Variants in RBM27 observed in about 807,000 individuals in gnomAD.
RBM27 encodes the protein RNA-binding protein 27.
A neutral mutation model predicts 135.3 loss-of-function variants in RBM27; 22 were observed. The ratio of observed to expected loss-of-function variants is 0.16; its 90% CI spans 0.12 to 0.23. The LOEUF is 0.23. Among genes scored for constraint, RBM27 ranks in the 10% least tolerant of loss-of-function variants. The pLI, the probability that RBM27 is intolerant of heterozygous loss-of-function variation, is 1.00. For missense variants in RBM27, 1,009 were observed against 1,281.0 expected (o/e 0.79, Z 3.24); for synonymous variants, 481 against 442.4 (o/e 1.09, Z -1.10).
At chr5:146,238,520 A>G (rs1163173877) in intron 8 of RBM27, among the ~76,000 whole-genome samples, 1 of 152,188 alleles carries the variant, frequency 6.6e-6, no homozygotes, top group African/African-American at 2.4e-5. Flanking sequence ...AAAACAAAAA[A>G]CAAAATGATT....
At chr5:146,234,863 A>G (rs553717850) in intron 7 of RBM27, among the ~76,000 whole-genome samples, 2 of 150,430 alleles carry the variant, frequency 1.3e-5, no homozygotes, top group East Asian at 4.0e-4. Context: ...GCGAAACCCC[A>G]TCTCTAGAAA....
intron 8 of RBM27, among the ~76,000 whole-genome samples, chr5:146,246,538 G>A (rs539610675): frequency 9.2e-4 from 140 of 152,216 alleles, no homozygotes; most frequent in Middle Eastern, 3.4e-3. Context: ...GTAGCTGGGC[G>A]TGTGGGCATG....
intron 19 of RBM27, among the ~76,000 whole-genome samples, chr5:146,278,684 A>G (rs1759197613): frequency 6.6e-6 from 1 of 151,394 alleles, no homozygotes; most frequent in Non-Finnish European, 1.5e-5. Flanking sequence ...ATAATACTAC[A>G]GTTGAACCAT....
In RBM27 at chr5:146,267,658, A is replaced by G. The variant is rs1335538128; in HGVS notation, c.2341A>G (p.Thr781Ala). 3.5e-5 allele frequency: 55 copies of G among 1,566,378 alleles called. No individual in the cohort carries two copies. The Admixed American group carries it at 3.8e-4, about 11-fold the overall frequency. ...GAGEDCQIFS[T>A]PGHPKMIYSS... ...TTTCTTTATTTTTTAGATATTTTCA[A>G]CTCCAGGCCATCCAAAAATGATTTA... is the stretch of plus-strand genomic sequence containing the variant. The change falls in exon 15 of 21, where the codon ACT (threonine) becomes GCT (alanine). Residue 781 changes from threonine (T) to alanine (A), a missense_variant. By Grantham distance (58) the Thr-to-Ala change is moderately conservative. Transcript: ENST00000265271.
intron 19 of RBM27, among the ~76,000 whole-genome samples, chr5:146,276,946 C>T (rs1156547676): frequency 6.6e-6 from 1 of 152,238 alleles, no homozygotes; most frequent in African/African-American, 2.4e-5. Context: ...GAGCTATGAC[C>T]ATTTACTGTT....
Position 146,285,937 on chromosome 5 carries a change from C to A in RBM27, c.3100-10C>A. On this transcript the variant is annotated splice_polypyrimidine_tract_variant and intron_variant, in intron 20 of 20. Coordinates refer to ENST00000265271, the MANE Select transcript of RBM27 (RefSeq NM_018989.2). ...TGCCACTAAGCAGATTTTAACCTCTCTTTCTTCAGGAAACAGAAACCTCAG... is the reference window on the plus strand; with the variant it reads ...TGCCACTAAGCAGATTTTAACCTCTATTTCTTCAGGAAACAGAAACCTCAG... The A allele has an allele frequency of 6.2e-7, 1 of 1,607,386 alleles. No homozygotes were observed. Among genetic ancestry groups the A allele is most frequent in the Non-Finnish European group, 8.5e-7 (1 of 1,175,008 alleles).
chr5:146,206,549 TAA>T (rs35369287), intron 1 of RBM27, among the ~76,000 whole-genome samples: 64 of 144,848 alleles, frequency 4.4e-4, no homozygotes, highest in Middle Eastern at 3.6e-3. Context: ...TCATTTAGGG[TAA>T]AAAAAAAAAG....
rs750364546 is a variant in RBM27 at position 146,251,820 on chromosome 5, G to A, written c.1389G>A (p.Met463Ile). 1 of 1,614,044 alleles carries A rather than the reference G, an allele frequency of 6.2e-7. No homozygotes were observed. The part of the protein sequence containing the change: ...AARLVPPRNL[M>I]GSSIGYHTSV... ...GTTTGGTGCCACCTCGAAACCTCATGGGATCCTCCATTGGATACCATACCT... is the reference window on the plus strand; with the variant it reads ...GTTTGGTGCCACCTCGAAACCTCATAGGATCCTCCATTGGATACCATACCT... The change falls in exon 9 of 21, where the codon ATG becomes ATA. Residue 463 changes from methionine to isoleucine, a missense_variant. Coordinates refer to ENST00000265271, the MANE Select transcript of RBM27 (RefSeq NM_018989.2).
chr5:146,277,854 ACAGTG>A (rs1759161155), intron 19 of RBM27, among the ~76,000 whole-genome samples: 1 of 151,954 alleles, frequency 6.6e-6, no homozygotes, highest in Non-Finnish European at 1.5e-5. Context: ...ATTATGTGGG[ACAGTG>A]CTGCACATTG....
At chr5:146,259,842 G>A (rs1403150466) in intron 11 of RBM27, among the ~76,000 whole-genome samples, 1 of 149,840 alleles carries the variant, frequency 6.7e-6, no homozygotes, top group African/African-American at 2.5e-5. Context: ...GCGCAGTGGC[G>A]GGCGCCTGTA....
intron 14 of RBM27, among the ~76,000 whole-genome samples, chr5:146,264,622 C>A: frequency 7.1e-6 from 1 of 140,188 alleles, no homozygotes. Context: ...TATACTATAA[C>A]TCTTGAGCAT....
chr5:146,224,067 T>G (rs181487730), intron 3 of RBM27, among the ~76,000 whole-genome samples: 1 of 152,298 alleles, frequency 6.6e-6, no homozygotes, highest in Admixed American at 6.5e-5. Flanking sequence ...ACAGAGTTCT[T>G]TGTACTTCCT....
At chr5:146,280,017 C>CT (rs1171497478) in intron 19 of RBM27, among the ~76,000 whole-genome samples, 1 of 151,664 alleles carries the variant, frequency 6.6e-6, no homozygotes, top group Non-Finnish European at 1.5e-5. Context: ...CAAACCTTGC[C>CT]TTTTTCACAT....
chr5:146,260,473 T>A (rs917321929), intron 11 of RBM27, among the ~76,000 whole-genome samples: 1 of 152,196 alleles, frequency 6.6e-6, no homozygotes, highest in Non-Finnish European at 1.5e-5. Flanking sequence ...ATCCTCCTGC[T>A]TTGGCCTCTC....
intron 1 of RBM27, among the ~76,000 whole-genome samples, chr5:146,215,727 A>G (rs558694263): frequency 6.6e-6 from 1 of 152,232 alleles, no homozygotes; most frequent in Admixed American, 6.5e-5. Flanking sequence ...AGGTGTTTAT[A>G]GAATAGCCAG....
rs757162116 is a variant in RBM27 at position 146,235,077 on chromosome 5, A to AAATAAATAAAT, written c.1144+1334_1144+1335insAATAAATAAAT. 8.7e-3 allele frequency among the ~76,000 whole-genome samples: 878 copies of AAATAAATAAAT among 101,306 alleles called. 2 individuals are homozygous for AAATAAATAAAT. The highest frequency in any genetic ancestry group is 0.015 in the Middle Eastern group (2 of 130). The allele number at this position is 101,306 out of a possible 152,430, so 66.5% of individuals were successfully genotyped here. On this transcript the variant is annotated intron_variant, in intron 7 of 20. Coordinates refer to ENST00000265271, the MANE Select transcript of RBM27 (RefSeq NM_018989.2). ...ATAAATAAATAAATAAATAAATAAAAGATGGCAAATTTTTATTTTTAGAAA... is the reference window on the plus strand; with the variant it reads ...ATAAATAAATAAATAAATAAATAAAAAATAAATAAATGATGGCAAATTTTTATTTTTAGAAA...
intron 17 of RBM27, among the ~76,000 whole-genome samples, chr5:146,269,891 T>C (rs2126880952): frequency 6.6e-6 from 1 of 152,242 alleles, no homozygotes; most frequent in African/African-American, 2.4e-5. Context: ...TTTTTTGTTT[T>C]AGTGTTTCTG....
At chr5:146,231,722 A>AT (rs1263675291) in intron 6 of RBM27, among the ~76,000 whole-genome samples, 1 of 151,706 alleles carries the variant, frequency 6.6e-6, no homozygotes, top group East Asian at 1.9e-4. Flanking sequence ...AGTTGAAGCG[A>AT]TTTTCCTGCC....
rs1225416087 is a variant in RBM27 at position 146,258,929 on chromosome 5, TC to T, written c.1739+337del. ...GCCAGCCACCATGCCCACCTGATTTTCTTGTATTTTTAGCGGAGATGGGGTT... is the reference window on the plus strand; with the variant it reads ...GCCAGCCACCATGCCCACCTGATTTTTTGTATTTTTAGCGGAGATGGGGTT... On this transcript the variant is annotated intron_variant, in intron 11 of 20. Coordinates refer to ENST00000265271, the MANE Select transcript of RBM27 (RefSeq NM_018989.2). 5.9e-5 allele frequency among the ~76,000 whole-genome samples: 9 copies of T among 152,144 alleles called. No homozygotes were observed. The East Asian group carries it at 1.7e-3, about 29-fold the overall frequency.
Sources: gnomAD v4.1 joint callset for allele counts (sites outside exome capture counted in the v4.1 genomes callset) on GRCh38, gnomAD v4.1.1 for gene constraint, MANE v1.5 for transcripts, NCBI Gene and HGNC (gene_info 2026-07-23, HGNC 2026-07-21) for gene names.